The following UGGT2 variants were observed in gnomAD, a reference collection of about 807,000 sequenced individuals.
UGGT2 encodes UDP-glucose:glycoprotein glucosyltransferase 2.
A neutral mutation model predicts 192.1 loss-of-function variants in UGGT2; 180 were observed. That is an observed-to-expected ratio of 0.94 (90% CI 0.83 to 1.06). The LOEUF is 1.06. UGGT2 is among the 50% of genes least tolerant of loss of function. The pLI, the probability that UGGT2 is intolerant of heterozygous loss-of-function variation, is 0.00. For missense variants in UGGT2, 1,849 were observed against 1,795.7 expected (o/e 1.03, Z -0.54); for synonymous variants, 580 against 591.0 (o/e 0.98, Z 0.27).
chr13:96,032,483 G>A (rs2052868522), intron 1 of UGGT2, among the ~76,000 whole-genome samples: 2 of 151,926 alleles, frequency 1.3e-5, no homozygotes. Context: ...TTAAAAACAG[G>A]AAATCAGTGT....
intron 17 of UGGT2, among the ~76,000 whole-genome samples, chr13:95,932,699 C>T (rs1046489338): frequency 3.9e-5 from 6 of 152,114 alleles, no homozygotes; most frequent in Admixed American, 3.9e-4. Flanking sequence ...CAGCTTTTCA[C>T]TGTTCAGTAT....
intron 2 of UGGT2, among the ~76,000 whole-genome samples, chr13:96,027,749 C>T (rs1026355415): frequency 4.6e-5 from 7 of 152,170 alleles, no homozygotes; most frequent in African/African-American, 1.7e-4. Context: ...AACCAAATAA[C>T]AGAGATATGA....
intron 16 of UGGT2, 29 bp downstream of exon 16, chr13:95,939,928 A>T (rs1274780021): frequency 1.0e-5 from 16 of 1,544,734 alleles, no homozygotes; most frequent in Non-Finnish European, 1.4e-5. Context: ...TGCCTGGCCT[A>T]CTCCACTTAA....
At chr13:95,849,585 A>AT (rs1228536161) in intron 36 of UGGT2, among the ~76,000 whole-genome samples, 2 of 151,486 alleles carry the variant, frequency 1.3e-5, no homozygotes, top group South Asian at 2.1e-4. Flanking sequence ...ATAGCATTTA[A>AT]TTTTTTATAA....
intron 1 of UGGT2, among the ~76,000 whole-genome samples, chr13:96,036,567 A>T (rs1214473703): frequency 8.0e-6 from 1 of 124,256 alleles, no homozygotes; most frequent in African/African-American, 3.0e-5. Flanking sequence ...AAGTTCAAGT[A>T]AAAAAAAAAA....
chr13:95,831,768 C>T (rs992331084), intron 38 of UGGT2, among the ~76,000 whole-genome samples: 24 of 151,968 alleles, frequency 1.6e-4, no homozygotes, highest in Admixed American at 6.6e-4. Context: ...TTACCTCTTT[C>T]CCAATTTGAT....
chr13:95,955,136 C>G (rs2050175312), intron 12 of UGGT2, among the ~76,000 whole-genome samples: 1 of 152,152 alleles, frequency 6.6e-6, no homozygotes, highest in African/African-American at 2.4e-5. Context: ...ATCATAATAA[C>G]CATGATTGGT....
intron 38 of UGGT2, among the ~76,000 whole-genome samples, chr13:95,819,521 TA>T (rs1885274449): frequency 1.6e-5 from 1 of 64,472 alleles, no homozygotes; most frequent in African/African-American, 4.4e-5. Flanking sequence ...TGTATGTATG[TA>T]ATAGTATATA....
At chr13:95,963,967 T>C (rs2140725348) in intron 12 of UGGT2, among the ~76,000 whole-genome samples, 1 of 152,206 alleles carries the variant, frequency 6.6e-6, no homozygotes, top group Non-Finnish European at 1.5e-5. Context: ...TAAGATATCA[T>C]CATTTTTCAG....
chr13:95,821,055 T>C (rs533403001), intron 38 of UGGT2, among the ~76,000 whole-genome samples: 1 of 152,310 alleles, frequency 6.6e-6, no homozygotes, highest in South Asian at 2.1e-4. Flanking sequence ...CAAACGTGTG[T>C]GCATGTGTCT....
At chr13:96,012,152 A>T (rs764659427) in intron 5 of UGGT2, among the ~76,000 whole-genome samples, 5 of 152,098 alleles carry the variant, frequency 3.3e-5, no homozygotes, top group Admixed American at 2.0e-4. Context: ...AAACATATAC[A>T]TGTCTATATG....
intron 12 of UGGT2, among the ~76,000 whole-genome samples, chr13:95,957,360 G>A (rs1169443146): frequency 6.6e-6 from 1 of 152,166 alleles, no homozygotes; most frequent in Non-Finnish European, 1.5e-5. Context: ...ACAATCTCGT[G>A]GGAACACAAC....
chr13:95,853,103 G>T (rs531216380), intron 36 of UGGT2, among the ~76,000 whole-genome samples: 74 of 152,182 alleles, frequency 4.9e-4, no homozygotes, highest in Middle Eastern at 6.8e-3. Context: ...CCTTCACTGG[G>T]CACTCATTCT....
intron 37 of UGGT2, among the ~76,000 whole-genome samples, chr13:95,835,293 G>T: frequency 6.6e-6 from 1 of 152,106 alleles, no homozygotes; most frequent in East Asian, 1.9e-4. Flanking sequence ...ATCCACTTAG[G>T]TCTGCTGCTG....
At chr13:96,031,576 C>T (rs529663502) in intron 2 of UGGT2, among the ~76,000 whole-genome samples, 1 of 152,278 alleles carries the variant, frequency 6.6e-6, no homozygotes, top group East Asian at 1.9e-4. Flanking sequence ...TGGCCTTGGG[C>T]CTTCCAAGTA....
At chr13:95,919,697 A>G (rs2048788101) in intron 20 of UGGT2, among the ~76,000 whole-genome samples, 1 of 152,190 alleles carries the variant, frequency 6.6e-6, no homozygotes, top group Admixed American at 6.5e-5. Flanking sequence ...CTCAAAGGAA[A>G]TCGGAGAGGA....
At chr13:95,831,237 T>A (rs1886647809) in intron 38 of UGGT2, among the ~76,000 whole-genome samples, 1 of 152,084 alleles carries the variant, frequency 6.6e-6, no homozygotes, top group African/African-American at 2.4e-5. Context: ...GTAACAAACC[T>A]GCACATTGTG....
chr13:95,893,575 A>C (rs1459804655), intron 24 of UGGT2, among the ~76,000 whole-genome samples: 1 of 129,772 alleles, frequency 7.7e-6, no homozygotes, highest in Non-Finnish European at 1.8e-5. Context: ...TCTAAAATTC[A>C]ATAACAGAGT....
At chr13:95,894,778 C>A in intron 23 of UGGT2, 121 bp from the exon 24 acceptor site, 1 of 749,268 alleles carries the variant, frequency 1.3e-6, no homozygotes, top group South Asian at 1.9e-5. Context: ...CCAAAGTAGA[C>A]TGCAAAGGGA....
Sources: gnomAD v4.1 joint callset for allele counts (sites outside exome capture counted in the v4.1 genomes callset) on GRCh38, gnomAD v4.1.1 for gene constraint, MANE v1.5 for transcripts, NCBI Gene and HGNC (gene_info 2026-07-23, HGNC 2026-07-21) for gene names.